LBR: variants seen among roughly 807,000 people sequenced by gnomAD.
LBR encodes delta(14)-sterol reductase LBR.
Under a neutral mutation model 74.3 loss-of-function variants are expected in LBR, and 28 were observed. That is an observed-to-expected ratio of 0.38 (90% CI 0.28 to 0.52). The LOEUF (loss-of-function observed/expected upper bound fraction) is 0.52, where lower values mean the gene tolerates loss of function less well. Ranked by LOEUF, LBR falls within the 20% of genes least tolerant of loss-of-function variation. The pLI is 0.89. For synonymous variants in LBR, 228 were observed against 269.3 expected, an observed-to-expected ratio of 0.85 and a Z score of 1.50; for missense variants, 717 against 760.3, an observed-to-expected ratio of 0.94 and a Z score of 0.67.
At chr1:225,423,397 C>CA (rs1239377474) in intron 2 of LBR, among the ~76,000 whole-genome samples, 1 of 152,096 alleles carries the variant, frequency 6.6e-6, no homozygotes, top group Non-Finnish European at 1.5e-5. Context: ...AACCCTTGGG[C>CA]ATGGAATATA....
intron 1 of LBR, 75 bp from the exon 2 acceptor site, chr1:225,424,164 C>A (rs2096134569): frequency 5.4e-6 from 6 of 1,109,420 alleles, no homozygotes; most frequent in Non-Finnish European, 8.3e-6. Context: ...ACAGGCTGAT[C>A]ACTAAAATAC....
rs1311372717 is a variant in LBR at position 225,419,726 on chromosome 1, T to C, written c.439A>G (p.Lys147Glu). 9 of 1,611,244 alleles carry C rather than the reference T, an allele frequency of 5.6e-6. No individual in the cohort carries two copies. Among genetic ancestry groups the C allele is most frequent in the Non-Finnish European group, 7.6e-6 (9 of 1,177,994 alleles). ...EHIERNDAPH[K>E]NTQEKFSLSQ... ...GAACACTTTCCCACCTGTGTATTTT[T>C]ATGAGGTGCGTCATTTCTCTCAATA... The change falls in exon 4 of 14, where the codon AAA (lysine) becomes GAA (glutamate). Residue 147 changes from lysine to glutamate, a missense_variant. Lys to Glu is a moderately conservative substitution (Grantham distance 56, BLOSUM62 1). Transcript: ENST00000272163.
intron 8 of LBR, among the ~76,000 whole-genome samples, chr1:225,411,864 C>T (rs1187892023): frequency 6.6e-6 from 1 of 152,236 alleles, no homozygotes; most frequent in Non-Finnish European, 1.5e-5. Context: ...GGCTACAGTG[C>T]AGTGGCACAG....
chr1:225,424,366 T>C (rs529766182), intron 1 of LBR, among the ~76,000 whole-genome samples: 1 of 152,364 alleles, frequency 6.6e-6, no homozygotes, highest in East Asian at 1.9e-4. Context: ...ATCACAGTTC[T>C]CGCTAATCAA....
chr1:225,416,210 AAAAAG>A (rs1304719217), intron 6 of LBR, among the ~76,000 whole-genome samples: 3 of 148,666 alleles, frequency 2.0e-5, no homozygotes, highest in Admixed American at 6.7e-5. Flanking sequence ...AAAAAAAAAA[AAAAAG>A]AGAGAGAGAG....
chr1:225,406,829 C>T lies in LBR; in HGVS notation c.1318G>A (p.Ala440Thr), dbSNP rs747674311. The change falls in exon 11 of 14, where the codon GCG becomes ACG. Residue 440 changes from alanine to threonine, a missense_variant. Coordinates refer to ENST00000272163, the MANE Select transcript of LBR (RefSeq NM_002296.4). Reference sequence around the variant, plus strand: ...ATGATGTCCATGGTCGTCAACAACGCTTCCTATAAGGATACAGACGGGGAA... The same window carrying T: ...ATGATGTCCATGGTCGTCAACAACGTTTCCTATAAGGATACAGACGGGGAA... Reference protein sequence around the residue: ...YVVDALWNEEALLTTMDIIHD... With the variant: ...YVVDALWNEETLLTTMDIIHD... 1.9e-6 allele frequency: 3 copies of T among 1,614,076 alleles called. No individual in the cohort carries two copies. The East Asian group carries it at 6.7e-5, about 36-fold the overall frequency.
Position 225,406,670 on chromosome 1 carries a change from G to A in LBR, c.1477C>T (p.Leu493=). The A allele has an allele frequency of 6.2e-7, 1 of 1,610,738 alleles. No individual in the cohort carries two copies. The highest frequency in any genetic ancestry group is 1.3e-5 in the African/African-American group (1 of 74,702). Residue 493 remains leucine, a synonymous_variant, in exon 11 of 14, where the codon CTG becomes TTG. Coordinates refer to ENST00000272163, the MANE Select transcript of LBR (RefSeq NM_002296.4). ...GACTAAAATTAATACTCACGTTTCA[G>A]AACAATAATTAGAGAAGCCATTGGC... The part of the protein sequence containing the change: ...SWPMASLIIV[L]KLCGYVIFRG...
Position 225,404,668 on chromosome 1 carries a change from T to A in LBR, c.1522A>T (p.Lys508Ter). 6.2e-7 allele frequency: 1 copy of A among 1,611,902 alleles called. No individual in the cohort carries two copies. Among genetic ancestry groups the A allele is most frequent in the Non-Finnish European group, 8.5e-7 (1 of 1,179,482 alleles). ...CTGGGATTTTTCCGGAATGCATTTT[T>A]CTGAGAATTTGCACCTCGGAAGATT... ...YVIFRGANSQKNAFRKNPSDP... is the reference protein window; with the variant it reads ...YVIFRGANSQ The change falls in exon 12 of 14, where the codon AAA becomes TAA. Residue 508 changes from lysine to a stop codon, truncating the protein, a stop_gained. Transcript: ENST00000272163. LOFTEE classifies it high-confidence loss of function.
chr1:225,411,381 C>A lies in LBR; in HGVS notation c.1144G>T (p.Asp382Tyr). ...CGCAATTCACAAAAGTATTTGAGATCAAAAGTACCAATTCGAGGGTTTAAT... is the reference window on the plus strand; with the variant it reads ...CGCAATTCACAAAAGTATTTGAGATAAAAAGTACCAATTCGAGGGTTTAAT... Reference protein sequence around the residue: ...RELNPRIGTFDLKYFCELRPG... With the variant: ...RELNPRIGTFYLKYFCELRPG... The change falls in exon 9 of 14, where the codon GAT becomes TAT. Residue 382 changes from aspartate to tyrosine, a missense_variant. Asp to Tyr is a radical substitution (Grantham distance 160). Coordinates refer to ENST00000272163, the MANE Select transcript of LBR (RefSeq NM_002296.4). 2 of 1,614,052 alleles carry A rather than the reference C, an allele frequency of 1.2e-6. No individual in the cohort carries two copies. Among genetic ancestry groups the A allele is most frequent in the Non-Finnish European group, 1.7e-6 (2 of 1,179,948 alleles).
Position 225,411,319 on chromosome 1 carries a change from A to G in LBR, c.1188+18T>C, listed in dbSNP as rs531103123. ...GACCTATTGAATTGAAATTTAGAAG[A>G]AAAAAAACCAGACATACCCATCCAA... is the stretch of plus-strand genomic sequence containing the variant. On this transcript the variant is annotated intron_variant, in intron 9 of 13. Transcript: ENST00000272163. 25 of 1,564,156 alleles carry G rather than the reference A, an allele frequency of 1.6e-5. No homozygotes were observed. Among genetic ancestry groups the G allele is most frequent in the South Asian group, 2.2e-5 (2 of 90,044 alleles).
At chr1:225,404,736 A>G (rs1454299497) in intron 11 of LBR, 30 bp from the exon 12 acceptor site, 3 of 1,433,616 alleles carry the variant, frequency 2.1e-6, no homozygotes, top group African/African-American at 2.8e-5. Context: ...TCCTATGTTA[A>G]TAACTTAGTT....
intron 8 of LBR, among the ~76,000 whole-genome samples, chr1:225,411,706 C>A (rs1397576069): frequency 6.6e-6 from 1 of 152,184 alleles, no homozygotes; most frequent in African/African-American, 2.4e-5. Context: ...GGGGGCCCCC[C>A]CAAAGGACTT....
intron 10 of LBR, among the ~76,000 whole-genome samples, chr1:225,409,754 T>C (rs1575221385): frequency 6.6e-6 from 1 of 152,204 alleles, no homozygotes; most frequent in African/African-American, 2.4e-5. Flanking sequence ...CTTCAACTAG[T>C]AGAAAGACTA....
intron 2 of LBR, 95 bp from the exon 3 acceptor site, chr1:225,422,372 T>G (rs190537771): frequency 1.1e-6 from 1 of 943,840 alleles, no homozygotes; most frequent in African/African-American, 1.6e-5. Context: ...CAGGAACTGC[T>G]ACCATTAACT....
At chr1:225,414,578 A>T (rs903492555) in intron 7 of LBR, among the ~76,000 whole-genome samples, 19 of 152,176 alleles carry the variant, frequency 1.2e-4, no homozygotes, top group Non-Finnish European at 2.4e-4. Context: ...CCATTTATTG[A>T]GCTGCCCAGC....
At chr1:225,407,477 T>A (rs915004975) in intron 10 of LBR, among the ~76,000 whole-genome samples, 2 of 152,232 alleles carry the variant, frequency 1.3e-5, no homozygotes, top group African/African-American at 4.8e-5. Context: ...CCTGGCAACA[T>A]GGTGAACTGA....
At chr1:225,427,859 C>G (rs375338568) in intron 1 of LBR, 95 bp downstream of exon 1, 1 of 152,354 alleles carries the variant, frequency 6.6e-6, no homozygotes, top group Non-Finnish European at 1.5e-5. Flanking sequence ...GTCCCCGGCC[C>G]GGCCGCTGCG....
Position 225,415,289 on chromosome 1 carries a change from T to A in LBR, c.881A>T (p.Tyr294Phe). 1 of 1,591,792 alleles carries A rather than the reference T, an allele frequency of 6.3e-7. No homozygotes were observed. Among genetic ancestry groups the A allele is most frequent in the South Asian group, 1.1e-5 (1 of 89,548 alleles). ...AAAAAGAAAATCACCATTTAATCTATACTTGAGTCTTCTTCCATCAATAAG... is the reference window on the plus strand; with the variant it reads ...AAAAAGAAAATCACCATTTAATCTAAACTTGAGTCTTCTTCCATCAATAAG... ...TPLIDGRRLK[Y>F]RLNGFYAFIL... The change falls in exon 7 of 14, where the codon TAT (tyrosine) becomes TTT (phenylalanine). Residue 294 changes from tyrosine (Y) to phenylalanine (F), a missense_variant. Transcript: ENST00000272163.
At position 225,404,629 on chromosome 1, in the gene LBR, C is replaced by G. The variant is rs372250618; in HGVS notation, c.1561G>C (p.Ala521Pro). 2 of 1,608,182 alleles carry G rather than the reference C, an allele frequency of 1.2e-6. No homozygotes were observed. The highest frequency in any genetic ancestry group is 4.5e-5 in the East Asian group (2 of 44,856). Residue 521 changes from alanine to proline, a missense_variant, in exon 12 of 14, where the codon GCA becomes CCA. Ala to Pro is a conservative substitution (Grantham distance 27). Transcript: ENST00000272163. ...FRKNPSDPKLAHLKTIHTSTG... is the reference protein window; with the variant it reads ...FRKNPSDPKLPHLKTIHTSTG... ...ATAAACATAAATCAATACTTACGTG[C>G]AAGCTTTGGATCACTGGGATTTTTC...
Sources: gnomAD v4.1 joint callset for allele counts (sites outside exome capture counted in the v4.1 genomes callset) on GRCh38, gnomAD v4.1.1 for gene constraint, MANE v1.5 for transcripts, NCBI Gene and HGNC (gene_info 2026-07-23, HGNC 2026-07-21) for gene names.